The following ASXL3 variants were observed in gnomAD, a reference collection of about 807,000 sequenced individuals.
The protein encoded by ASXL3 is ASXL transcriptional regulator 3.
ASXL3 carries 34 observed loss-of-function variants against 170.6 expected under a neutral mutation model. The observed-to-expected ratio is 0.20, with a 90% CI of 0.15 to 0.27. The LOEUF (loss-of-function observed/expected upper bound fraction) is 0.27. Ranked by LOEUF, ASXL3 falls within the 10% of genes least tolerant of loss-of-function variation. ASXL3 has a pLI of 1.00. For missense variants in ASXL3, 2,592 were observed against 2,695.3 expected, an observed-to-expected ratio of 0.96 and a Z score of 0.85; for synonymous variants, 1,002 against 989.1, an observed-to-expected ratio of 1.01 and a Z score of -0.24.
intron 3 of ASXL3, among the ~76,000 whole-genome samples, chr18:33,645,421 A>G (rs2065902734): frequency 6.6e-6 from 1 of 151,894 alleles, no homozygotes. Flanking sequence ...CTGCTTGAAA[A>G]CATTGAATTA....
chr18:33,637,635 T>G (rs2065788350), intron 2 of ASXL3, among the ~76,000 whole-genome samples: 1 of 152,194 alleles, frequency 6.6e-6, no homozygotes, highest in Admixed American at 6.5e-5. Context: ...TACTATTTTA[T>G]TTTGTAAGAT....
At chr18:33,613,383 T>C (rs1384464223) in intron 2 of ASXL3, among the ~76,000 whole-genome samples, 2 of 152,118 alleles carry the variant, frequency 1.3e-5, no homozygotes, top group Admixed American at 6.6e-5. Context: ...AATCTATTTT[T>C]TTCCTCAAAA....
At chr18:33,583,186 G>A (rs978503104) in intron 1 of ASXL3, among the ~76,000 whole-genome samples, 2 of 152,194 alleles carry the variant, frequency 1.3e-5, no homozygotes, top group African/African-American at 4.8e-5. Flanking sequence ...AGGGGAGGGC[G>A]TGTGTACTGC....
chr18:33,706,784 T>C (rs1271451305), intron 8 of ASXL3, among the ~76,000 whole-genome samples: 2 of 151,854 alleles, frequency 1.3e-5, no homozygotes, highest in Admixed American at 6.6e-5. Context: ...GTCTTTTGAT[T>C]CTCTAAGTGT....
At chr18:33,660,590 GT>G (rs919993586) in intron 4 of ASXL3, among the ~76,000 whole-genome samples, 1 of 152,108 alleles carries the variant, frequency 6.6e-6, no homozygotes, top group Non-Finnish European at 1.5e-5. Flanking sequence ...CATGTTTTGA[GT>G]TTTTTTACAA....
intron 9 of ASXL3, 123 bp from the exon 10 acceptor site, chr18:33,734,187 C>T (rs1367871081): frequency 3.9e-6 from 2 of 519,134 alleles, no homozygotes; most frequent in Non-Finnish European, 6.5e-6. Context: ...GAAATGTTAT[C>T]ATTATTTGTC....
chr18:33,743,764 T>G lies in ASXL3; in HGVS notation c.3916T>G (p.Ser1306Ala). The change falls in exon 12 of 12, where the codon TCA becomes GCA. Residue 1306 changes from serine to alanine, a missense_variant. Physicochemically the swap from Ser to Ala is moderately conservative, Grantham distance 99. This residue lies in a region of ASXL3 where 2,246 missense variants were observed against 2,219.6 expected (regional missense o/e 1.01). Transcript: ENST00000269197. ...AAAATGTATTGAAAGCACTCCCATT[T>G]CAGCCACTACAGAGGGCTCCAGCAT... ...IPKCIESTPI[S>A]ATTEGSSISS... is the part of the protein sequence containing the mutation. 5 of 1,614,004 alleles carry G rather than the reference T, an allele frequency of 3.1e-6. No individual in the cohort carries two copies. The South Asian group carries it at 5.5e-5, about 18-fold the overall frequency.
At chr18:33,697,850 T>G (rs2066797622) in intron 8 of ASXL3, among the ~76,000 whole-genome samples, 1 of 151,828 alleles carries the variant, frequency 6.6e-6, no homozygotes, top group African/African-American at 2.4e-5. Flanking sequence ...AAAAAAATCA[T>G]AATAATTTTA....
intron 2 of ASXL3, among the ~76,000 whole-genome samples, chr18:33,611,266 A>C (rs2065333034): frequency 6.6e-6 from 1 of 152,098 alleles, no homozygotes; most frequent in African/African-American, 2.4e-5. Flanking sequence ...ATGTGGGTAA[A>C]AAAGAAATAT....
At chr18:33,635,073 G>A (rs895502721) in intron 2 of ASXL3, among the ~76,000 whole-genome samples, 4 of 152,180 alleles carry the variant, frequency 2.6e-5, no homozygotes, top group South Asian at 2.1e-4. Context: ...AGTGGGCATT[G>A]AGGAAGAGAG....
intron 4 of ASXL3, among the ~76,000 whole-genome samples, chr18:33,648,071 A>G (rs1299934312): frequency 6.6e-6 from 1 of 152,082 alleles, no homozygotes; most frequent in African/African-American, 2.4e-5. Flanking sequence ...AAACAAAGCC[A>G]GGGAAGTTAT....
chr18:33,681,196 CTTTG>C (rs1212814161), intron 7 of ASXL3, among the ~76,000 whole-genome samples: 8 of 151,964 alleles, frequency 5.3e-5, no homozygotes, highest in Admixed American at 1.3e-4. Context: ...TTTATTTCCA[CTTTG>C]TTTGATTCCT....
chr18:33,662,909 TCTC>T (rs1324507005), intron 5 of ASXL3, among the ~76,000 whole-genome samples: 1 of 152,132 alleles, frequency 6.6e-6, no homozygotes, highest in Non-Finnish European at 1.5e-5. Flanking sequence ...CTACCTATCT[TCTC>T]CTGTACCTCA....
chr18:33,735,517 A>G (rs2067530620), intron 10 of ASXL3, among the ~76,000 whole-genome samples: 1 of 152,216 alleles, frequency 6.6e-6, no homozygotes, highest in Admixed American at 6.5e-5. Context: ...ATATGTCTTC[A>G]CATGAAGTCA....
intron 1 of ASXL3, among the ~76,000 whole-genome samples, chr18:33,588,118 C>A (rs1280750754): frequency 6.6e-6 from 1 of 151,880 alleles, no homozygotes; most frequent in African/African-American, 2.4e-5. Context: ...TGGTTTATAA[C>A]CTATTGATTG....
chr18:33,690,539 C>T (rs2066671147), intron 8 of ASXL3, among the ~76,000 whole-genome samples: 2 of 152,164 alleles, frequency 1.3e-5, no homozygotes, highest in Admixed American at 1.3e-4. Flanking sequence ...TTTATATCTA[C>T]ATTTATTTCC....
At chr18:33,652,308 A>G (rs1173264822) in intron 4 of ASXL3, among the ~76,000 whole-genome samples, 1 of 152,044 alleles carries the variant, frequency 6.6e-6, no homozygotes, top group East Asian at 1.9e-4. Flanking sequence ...GAACTCATAC[A>G]TATTTTATAT....
intron 5 of ASXL3, among the ~76,000 whole-genome samples, chr18:33,663,135 T>C (rs909497275): frequency 6.6e-5 from 10 of 152,168 alleles, no homozygotes; most frequent in African/African-American, 2.2e-4. Flanking sequence ...TGAGATCCCT[T>C]TTTAATTGAT....
chr18:33,637,230 A>G (rs9963659), intron 2 of ASXL3, among the ~76,000 whole-genome samples: 96,147 of 152,008 alleles, frequency 0.63, 31,600 homozygotes, highest in East Asian at 0.89. Flanking sequence ...TATAAATATG[A>G]TATAACATTT....
Sources: allele counts gnomAD v4.1 joint callset (sites outside exome capture counted in the v4.1 genomes callset), GRCh38; gene constraint gnomAD v4.1.1; regional missense constraint gnomAD v4.1.1; transcripts MANE v1.5; gene names NCBI Gene and HGNC (gene_info 2026-07-23, HGNC 2026-07-21).